The following RSPRY1 variants were observed in gnomAD, a reference collection of about 807,000 sequenced individuals.
The protein encoded by RSPRY1 is RING finger and SPRY domain-containing protein 1.
In RSPRY1, 23 loss-of-function variants were observed where a neutral mutation model predicts 73.1. The observed-to-expected ratio is 0.31, with a 90% CI of 0.23 to 0.45. RSPRY1 has a LOEUF of 0.45. Ranked by LOEUF, RSPRY1 falls within the 20% of genes least tolerant of loss-of-function variation. RSPRY1 has a pLI of 1.00. For missense variants in RSPRY1, 448 were observed against 698.7 expected, an observed-to-expected ratio of 0.64 and a Z score of 4.05; for synonymous variants, 226 against 251.4, an observed-to-expected ratio of 0.90 and a Z score of 0.95.
intron 1 of RSPRY1, among the ~76,000 whole-genome samples, chr16:57,202,880 A>T (rs1185862320): frequency 3.6e-4 from 10 of 27,908 alleles, no homozygotes; most frequent in African/African-American, 1.7e-3. Flanking sequence ...ACATATGATT[A>T]TATATATATA....
chr16:57,216,972 A>G lies in RSPRY1; in HGVS notation c.838A>G (p.Asn280Asp). Residue 280 changes from asparagine to aspartate, a missense_variant, in exon 8 of 15, where the codon AAT becomes GAT. Physicochemically the swap from Asn to Asp is conservative, Grantham distance 23. Coordinates refer to ENST00000394420, the MANE Select transcript of RSPRY1 (RefSeq NM_133368.3). ...GCTTGTCACATTGGAGTCCTGGGCTAATGATCCTGATTATCTGAAACGTCA... is the reference window on the plus strand; with the variant it reads ...GCTTGTCACATTGGAGTCCTGGGCTGATGATCCTGATTATCTGAAACGTCA... Reference protein sequence around the residue: ...DRLVTLESWANDPDYLKRQVG... With the variant: ...DRLVTLESWADDPDYLKRQVG... 3 of 1,614,016 alleles carry G rather than the reference A, an allele frequency of 1.9e-6. No homozygotes were observed. Among genetic ancestry groups the G allele is most frequent in the African/African-American group, 1.3e-5 (1 of 75,056 alleles).
intron 1 of RSPRY1, among the ~76,000 whole-genome samples, chr16:57,193,164 T>C (rs541236836): frequency 2.0e-5 from 3 of 152,362 alleles, no homozygotes; most frequent in Middle Eastern, 3.4e-3. Context: ...GTACTCTGTG[T>C]GACCTAAACC....
chr16:57,210,743 C>T (rs1287559930), intron 4 of RSPRY1, among the ~76,000 whole-genome samples: 2 of 151,000 alleles, frequency 1.3e-5, no homozygotes, highest in Non-Finnish European at 2.9e-5. Flanking sequence ...TTAGGTTGGG[C>T]GCAGTGGCTC....
Position 57,189,090 on chromosome 16 carries a change from T to G in RSPRY1, c.-156+2639T>G, listed in dbSNP as rs184013832. Among the ~76,000 whole-genome samples the G allele has an allele frequency of 4.8e-3, 718 of 148,824 alleles. 7 individuals are homozygous for G. Among genetic ancestry groups the G allele is most frequent in the African/African-American group, 0.017 (668 of 40,208 alleles). On this transcript the variant is annotated intron_variant, in intron 1 of 14. Coordinates refer to ENST00000394420, the MANE Select transcript of RSPRY1 (RefSeq NM_133368.3). Reference sequence around the variant, plus strand: ...CTCACTGCAACCTCTGCCTCCCGGGTTCAAGCAATTCTTCTGCCTCAGCCT... The same window carrying G: ...CTCACTGCAACCTCTGCCTCCCGGGGTCAAGCAATTCTTCTGCCTCAGCCT...
Position 57,236,638 on chromosome 16 carries a change from C to T in RSPRY1, c.1634+1410C>T, listed in dbSNP as rs574090498. Among the ~76,000 whole-genome samples the T allele has an allele frequency of 2.6e-5, 4 of 152,302 alleles. No homozygotes were observed. In the South Asian group the frequency reaches 8.3e-4, roughly 32 times the overall value. ...AGTTTCACAGGTGAACTCTTTACAA[C>T]TTTCAGGGAATAGGTAGCCCAATTC... On this transcript the variant is annotated intron_variant, in intron 14 of 14. Coordinates refer to ENST00000394420, the MANE Select transcript of RSPRY1 (RefSeq NM_133368.3).
chr16:57,208,071 C>T lies in RSPRY1; in HGVS notation c.364C>T (p.Pro122Ser). 1 of 1,592,488 alleles carries T rather than the reference C, an allele frequency of 6.3e-7. No individual in the cohort carries two copies. Residue 122 changes from proline to serine, a missense_variant, in exon 3 of 15, where the codon CCC becomes TCC. By Grantham distance (74) the Pro-to-Ser change is moderately conservative. Coordinates refer to ENST00000394420, the MANE Select transcript of RSPRY1 (RefSeq NM_133368.3). The stretch of plus-strand genomic sequence containing the variant: ...TTTTTTTTCCAGTGATCAGGAACCT[C>T]CCTATTCAATGATAACATTACACGA... Reference protein sequence around the residue: ...RTLVDNDQEPPYSMITLHEMA... With the variant: ...RTLVDNDQEPSYSMITLHEMA...
intron 13 of RSPRY1, among the ~76,000 whole-genome samples, chr16:57,233,086 C>T (rs552451407): frequency 6.6e-6 from 1 of 152,290 alleles, no homozygotes; most frequent in East Asian, 1.9e-4. Context: ...TTCAGTGATA[C>T]TTTATATTCA....
In RSPRY1 at chr16:57,211,494, G is replaced by A. The variant is rs187822513; in HGVS notation, c.517-1478G>A. Among the ~76,000 whole-genome samples the A allele has an allele frequency of 3.3e-5, 5 of 152,178 alleles. No individual in the cohort carries two copies. The East Asian group carries it at 7.7e-4, about 24-fold the overall frequency. The stretch of plus-strand genomic sequence containing the variant: ...TGAGGCAGGAGAATCACTTGAACTC[G>A]GAAGGTGGAGGCTGCAGTGAGCTGA... On this transcript the variant is annotated intron_variant, in intron 4 of 14. Transcript: ENST00000394420.
rs779665389 is a variant in RSPRY1 at position 57,227,367 on chromosome 16, A to C, written c.1187A>C (p.Glu396Ala). 11 of 1,614,024 alleles carry C rather than the reference A, an allele frequency of 6.8e-6. No homozygotes were observed. The highest frequency in any genetic ancestry group is 9.3e-6 in the Non-Finnish European group (11 of 1,179,932). Reference sequence around the variant, plus strand: ...GAAGGCTACGGCATTGGGGATGATGAATACTCCTGTGCGTATGATGGCTGC... The same window carrying C: ...GAAGGCTACGGCATTGGGGATGATGCATACTCCTGTGCGTATGATGGCTGC... ...NHEGYGIGDD[E>A]YSCAYDGCRQ... The change falls in exon 11 of 15, where the codon GAA (glutamate) becomes GCA (alanine). Residue 396 changes from glutamate (E) to alanine (A), a missense_variant. Coordinates refer to ENST00000394420, the MANE Select transcript of RSPRY1 (RefSeq NM_133368.3).
chr16:57,201,605 G>C (rs1418507841), intron 1 of RSPRY1, among the ~76,000 whole-genome samples: 1 of 152,246 alleles, frequency 6.6e-6, no homozygotes, highest in Admixed American at 6.5e-5. Context: ...GCCAAGGCAG[G>C]CAGCTGGGGA....
chr16:57,230,637 A>T, intron 11 of RSPRY1, 74 bp from the exon 12 acceptor site: 2 of 821,950 alleles, frequency 2.4e-6, no homozygotes, highest in Non-Finnish European at 4.1e-6. Context: ...TGCCATTGAA[A>T]CACTTGAGAT....
intron 2 of RSPRY1, 110 bp downstream of exon 2, chr16:57,205,118 C>T (rs2146248627): frequency 1.4e-6 from 1 of 734,084 alleles, no homozygotes. Context: ...AAGCCTTGTG[C>T]TCACAGGGCA....
Position 57,193,716 on chromosome 16 carries a change from G to T in RSPRY1, c.-156+7265G>T, listed in dbSNP as rs563337197. ...AGATAATGTTCTCTATCTTGATAGG[G>T]TTTGAGTCACAGGTATATGCATTTG... On this transcript the variant is annotated intron_variant, in intron 1 of 14. Transcript: ENST00000394420. 2.0e-5 allele frequency among the ~76,000 whole-genome samples: 3 copies of T among 152,204 alleles called. No homozygotes were observed. In the East Asian group the frequency reaches 5.8e-4, roughly 29 times the overall value.
At chr16:57,210,691 C>T (rs1309043111) in intron 4 of RSPRY1, among the ~76,000 whole-genome samples, 6 of 145,244 alleles carry the variant, frequency 4.1e-5, no homozygotes, top group South Asian at 2.2e-4. Flanking sequence ...CCAGCCTGGG[C>T]GACAAAGCGA....
chr16:57,231,772 C>T (rs1181332012), intron 13 of RSPRY1, among the ~76,000 whole-genome samples: 1 of 57,658 alleles, frequency 1.7e-5, no homozygotes, highest in Non-Finnish European at 4.1e-5. Flanking sequence ...TTAGCAGACT[C>T]GGCTTTATTG....
rs1401407370 is a variant in RSPRY1 at position 57,239,663 on chromosome 16, T to C, written c.*688T>C. On this transcript the variant is annotated 3_prime_UTR_variant, in exon 15 of 15. Coordinates refer to ENST00000394420, the MANE Select transcript of RSPRY1 (RefSeq NM_133368.3). ...TGGTGGTATTTTCACATTCATAGTG[T>C]TTCTATCCAATTTCAGTACCCACAT... 1 of 151,916 alleles carries C rather than the reference T, an allele frequency of 6.6e-6. No individual in the cohort carries two copies. The highest frequency in any genetic ancestry group is 1.5e-5 in the Non-Finnish European group (1 of 67,974). 9.4% of individuals were successfully genotyped at this position (151,916 alleles called of 1,614,324 possible).
intron 1 of RSPRY1, among the ~76,000 whole-genome samples, chr16:57,194,077 G>T (rs1032431049): frequency 1.6e-4 from 24 of 151,948 alleles, no homozygotes; most frequent in African/African-American, 5.8e-4. Flanking sequence ...AAAAAAAAAA[G>T]ATTTGCACAT....
At chr16:57,203,024 G>A (rs892910674) in intron 1 of RSPRY1, among the ~76,000 whole-genome samples, 5 of 151,874 alleles carry the variant, frequency 3.3e-5, no homozygotes, top group Non-Finnish European at 7.4e-5. Context: ...AATGGAAATA[G>A]GCTGGGCACA....
intron 11 of RSPRY1, 31 bp downstream of exon 11, chr16:57,227,484 A>C (rs754729401): frequency 5.8e-5 from 86 of 1,483,600 alleles, no homozygotes; most frequent in Non-Finnish European, 5.7e-5. Flanking sequence ...AAATTTATCA[A>C]GTGGGTTAAG....
Sources: gnomAD v4.1 joint callset for allele counts (sites outside exome capture counted in the v4.1 genomes callset) on GRCh38, gnomAD v4.1.1 for gene constraint, MANE v1.5 for transcripts, NCBI Gene and HGNC (gene_info 2026-07-23, HGNC 2026-07-21) for gene names.